The following ABCC4 variants were observed in gnomAD, a reference collection of about 807,000 sequenced individuals.
ABCC4 encodes ATP-binding cassette sub-family C member 4.
ABCC4 carries 102 observed loss-of-function variants against 168.5 expected under a neutral mutation model. The observed-to-expected ratio is 0.61, with a 90% CI of 0.52 to 0.71. ABCC4 has a LOEUF of 0.71. Among genes scored for constraint, ABCC4 ranks in the 30% least tolerant of loss-of-function variants. The pLI is 0.00. For synonymous variants in ABCC4, 617 were observed against 590.7 expected (o/e 1.04, Z -0.65); for missense variants, 1,402 against 1,605.8 (o/e 0.87, Z 2.17).
At chr13:95,028,084 A>C (rs1471907718) in intron 30 of ABCC4, among the ~76,000 whole-genome samples, 1 of 152,204 alleles carries the variant, frequency 6.6e-6, no homozygotes, top group Non-Finnish European at 1.5e-5. Context: ...TTAAAATGGC[A>C]GGAAATATAA....
At chr13:95,126,713 T>A (rs2035773022) in intron 19 of ABCC4, among the ~76,000 whole-genome samples, 1 of 78,272 alleles carries the variant, frequency 1.3e-5, no homozygotes, top group Non-Finnish European at 2.4e-5. Flanking sequence ...GCATGAACTT[T>A]TTTTGGAATA....
intron 29 of ABCC4, among the ~76,000 whole-genome samples, chr13:95,036,152 C>T (rs894204543): frequency 1.3e-5 from 2 of 151,992 alleles, no homozygotes; most frequent in Non-Finnish European, 1.5e-5. Context: ...CTCCTCCTGA[C>T]GAGGAAGGAA....
chr13:95,284,217 C>T (rs146795543), intron 1 of ABCC4, among the ~76,000 whole-genome samples: 200 of 152,116 alleles, frequency 1.3e-3, no homozygotes, highest in African/African-American at 4.7e-3. Flanking sequence ...GACAGGGTCT[C>T]ACTGTGTTGT....
At chr13:95,275,856 G>A (rs1324751814) in intron 1 of ABCC4, among the ~76,000 whole-genome samples, 1 of 151,916 alleles carries the variant, frequency 6.6e-6, no homozygotes, top group Non-Finnish European at 1.5e-5. Flanking sequence ...AAGTGGGTAC[G>A]CTAATTATAA....
intron 20 of ABCC4, among the ~76,000 whole-genome samples, chr13:95,086,509 A>G (rs372083670): frequency 6.6e-6 from 1 of 152,250 alleles, no homozygotes; most frequent in Non-Finnish European, 1.5e-5. Flanking sequence ...AATGGAACAT[A>G]TTCTTTTAAC....
intron 19 of ABCC4, among the ~76,000 whole-genome samples, chr13:95,136,474 A>C (rs2036148763): frequency 6.6e-6 from 1 of 152,206 alleles, no homozygotes; most frequent in Non-Finnish European, 1.5e-5. Context: ...CTTTGAAAAA[A>C]GAAAGAGAAG....
intron 19 of ABCC4, among the ~76,000 whole-genome samples, chr13:95,148,449 G>A (rs2036567189): frequency 6.6e-6 from 1 of 152,060 alleles, no homozygotes. Context: ...GCTGGTGGGT[G>A]AAGTCAAAGG....
rs185993619 is a variant in ABCC4, at chr13:95,299,115, C to T, written c.74+2126G>A. Among the ~76,000 whole-genome samples, 461 of 151,712 alleles carry T rather than the reference C, an allele frequency of 3.0e-3. 6 individuals carry two copies. The highest frequency in any genetic ancestry group is 1.5e-3 in the Non-Finnish European group (102 of 67,932). On this transcript the variant is annotated intron_variant, in intron 1 of 30. Transcript: ENST00000645237. The stretch of plus-strand genomic sequence containing the variant: ...ACAAAAAAAATTTTTTTTTATTATC[C>T]GGGCATGGTGACACACACCTGGAGC...
At position 95,064,513 on chromosome 13, in the gene ABCC4, A is replaced by ATGTGTG. The variant is rs3046394; in HGVS notation, c.3211-1660_3211-1655dup. 4.7e-3 allele frequency among the ~76,000 whole-genome samples: 697 copies of ATGTGTG among 148,688 alleles called. 1 individual carries two copies. Among genetic ancestry groups the ATGTGTG allele is most frequent in the Non-Finnish European group, 8.4e-3 (565 of 67,006 alleles). On this transcript the variant is annotated intron_variant, in intron 25 of 30. Coordinates refer to ENST00000645237, the MANE Select transcript of ABCC4 (RefSeq NM_005845.5). Reference sequence around the variant, plus strand: ...CACACACACACACGTGTATGTGTGTATGTGTGTGTGTGTGTGTGTGGGGCT... The same window carrying ATGTGTG: ...CACACACACACACGTGTATGTGTGTATGTGTGTGTGTGTGTGTGTGTGTGTGGGGCT...
chr13:95,268,347 C>T (rs1271053470), intron 1 of ABCC4, among the ~76,000 whole-genome samples: 1 of 152,172 alleles, frequency 6.6e-6, no homozygotes, highest in Non-Finnish European at 1.5e-5. Flanking sequence ...CTAGGAAAGC[C>T]AGGTATTGTC....
intron 21 of ABCC4, among the ~76,000 whole-genome samples, chr13:95,081,787 G>A (rs2034105373): frequency 6.6e-6 from 1 of 151,952 alleles, no homozygotes; most frequent in Non-Finnish European, 1.5e-5. Context: ...GGTCACTTGA[G>A]GTCAGGAGTT....
rs532046604 is a variant in ABCC4 at position 95,028,004 on chromosome 13, C to T, written c.3871-6322G>A. ...ACAAAGAAAGCAAAGTAAAAGCACG[C>T]GACCCAGTCTAGTTTTGAACCAGTG... On this transcript the variant is annotated intron_variant, in intron 30 of 30. Coordinates refer to ENST00000645237, the MANE Select transcript of ABCC4 (RefSeq NM_005845.5). 1.5e-3 allele frequency among the ~76,000 whole-genome samples: 224 copies of T among 152,182 alleles called. 4 individuals are homozygous for T. The highest frequency in any genetic ancestry group is 3.1e-3 in the South Asian group (15 of 4,808).
At chr13:95,051,929 T>C (rs2032857698) in intron 27 of ABCC4, among the ~76,000 whole-genome samples, 1 of 152,136 alleles carries the variant, frequency 6.6e-6, no homozygotes, top group South Asian at 2.1e-4. Flanking sequence ...CCTCCCAAAG[T>C]GCTGGGATTA....
At position 95,206,550 on chromosome 13, in the gene ABCC4, G is replaced by C. The variant is rs751880585; in HGVS notation, c.1143C>G (p.Val381=). ...SAIERVSEAI[V]SIRRIQTFLL... is the part of the protein sequence containing the mutation. ...CACCAACCTGGATTCTTCGGATGCTGACGATTGCCTCTGACACCCTCTCAA... is the reference window on the plus strand; with the variant it reads ...CACCAACCTGGATTCTTCGGATGCTCACGATTGCCTCTGACACCCTCTCAA... The change falls in exon 8 of 31, where the codon GTC becomes GTG. Residue 381 remains valine, a synonymous_variant. Coordinates refer to ENST00000645237, the MANE Select transcript of ABCC4 (RefSeq NM_005845.5). The C allele has an allele frequency of 6.2e-7, 1 of 1,613,830 alleles. No individual in the cohort carries two copies. Among genetic ancestry groups the C allele is most frequent in the Admixed American group, 1.7e-5 (1 of 60,024 alleles).
intron 23 of ABCC4, chr13:95,073,507 A>G (rs2033800166): frequency 2.9e-5 from 11 of 385,530 alleles, no homozygotes; most frequent in Non-Finnish European, 4.6e-5. Flanking sequence ...AAATTTTTAG[A>G]TGATTTTATG....
intron 4 of ABCC4, among the ~76,000 whole-genome samples, chr13:95,225,764 A>AAAAATATAAAAATAT (rs2039446493): frequency 8.7e-6 from 1 of 114,738 alleles, no homozygotes; most frequent in Non-Finnish European, 2.3e-5. Flanking sequence ...TAACAAATAT[A>AAAAATATAAAAATAT]AAAATATAAA....
chr13:95,170,602 T>C lies in ABCC4; in HGVS notation c.1754A>G (p.Lys585Arg), dbSNP rs2037434701. ...CTGATGAGTCACTAAAATTGTGATCTTCTCATGCAAAATTTGACAAATACA... is the reference window on the plus strand; with the variant it reads ...CTGATGAGTCACTAAAATTGTGATCCTCTCATGCAAAATTTGACAAATACA... Reference protein sequence around the residue: ...ELCICQILHEKITILVTHQLQ... With the variant: ...ELCICQILHERITILVTHQLQ... Residue 585 changes from lysine to arginine, a missense_variant, in exon 14 of 31, where the codon AAG becomes AGG. Around this residue, in one of 3 missense-constraint regions of ABCC4, gnomAD observed 1,007 missense variants for 1,127.3 expected, o/e 0.89. Coordinates refer to ENST00000645237, the MANE Select transcript of ABCC4 (RefSeq NM_005845.5). 1.9e-6 allele frequency: 3 copies of C among 1,611,820 alleles called. No individual in the cohort carries two copies. Among genetic ancestry groups the C allele is most frequent in the African/African-American group, 2.7e-5 (2 of 74,890 alleles).
chr13:95,237,157 A>G (rs2039797219), intron 3 of ABCC4, among the ~76,000 whole-genome samples: 1 of 152,186 alleles, frequency 6.6e-6, no homozygotes, highest in Admixed American at 6.5e-5. Flanking sequence ...AGCGAAAGAG[A>G]ATGCAAAAGG....
intron 3 of ABCC4, 23 bp from the exon 4 acceptor site, chr13:95,234,857 C>T (rs1234182087): frequency 2.0e-6 from 3 of 1,476,496 alleles, no homozygotes; most frequent in Non-Finnish European, 2.7e-6. Context: ...AAAGAAAAGC[C>T]TTTAATTAGA....
Sources: gnomAD v4.1 joint callset for allele counts (sites outside exome capture counted in the v4.1 genomes callset) on GRCh38, gnomAD v4.1.1 for gene constraint, gnomAD v4.1.1 regional missense constraint, MANE v1.5 for transcripts, NCBI Gene and HGNC (gene_info 2026-07-23, HGNC 2026-07-21) for gene names.